RHBDF2: variants seen among roughly 807,000 people sequenced by gnomAD.
The protein encoded by RHBDF2 is inactive rhomboid protein 2.
RHBDF2 carries 38 observed loss-of-function variants against 95.2 expected under a neutral mutation model. The observed-to-expected ratio is 0.40, with a 90% CI of 0.31 to 0.52. The LOEUF (loss-of-function observed/expected upper bound fraction) is 0.52. Ranked by LOEUF, RHBDF2 falls within the 20% of genes least tolerant of loss-of-function variation. RHBDF2 has a pLI of 0.56. For synonymous variants in RHBDF2, 442 were observed against 462.0 expected (o/e 0.96, Z 0.55); for missense variants, 863 against 1,137.7 (o/e 0.76, Z 3.47).
chr17:76,498,416 G>A (rs1047216169), intron 1 of RHBDF2, among the ~76,000 whole-genome samples: 1 of 152,258 alleles, frequency 6.6e-6, no homozygotes, highest in Non-Finnish European at 1.5e-5. Context: ...TCTGAGGAGA[G>A]TGTGGAGGGG....
At chr17:76,491,473 CAG>C (rs1233787950) in intron 1 of RHBDF2, among the ~76,000 whole-genome samples, 1 of 152,002 alleles carries the variant, frequency 6.6e-6, no homozygotes, top group Non-Finnish European at 1.5e-5. Flanking sequence ...CACCAGACAG[CAG>C]AGACAGGGCC....
Position 76,476,714 on chromosome 17 carries a change from A to T in RHBDF2, c.1115+116T>A. 3 of 1,420,104 alleles carry T rather than the reference A, an allele frequency of 2.1e-6. No homozygotes were observed. The South Asian group carries it at 4.3e-5, about 20-fold the overall frequency. The allele number at this position is 1,420,104 out of a possible 1,614,324, so 88.0% of individuals were successfully genotyped here. A position where few individuals can be genotyped will look rare whatever the true frequency, so the allele number is the denominator to read the frequency against. On this transcript the variant is annotated intron_variant, in intron 9 of 18. Coordinates refer to ENST00000675367, the MANE Select transcript of RHBDF2 (RefSeq NM_001005498.4). ...CTTCGAGCTTGTCACTACACTCCTG[A>T]TCCGCAGAAGATGCTCATGAAACAC...
chr17:76,492,050 C>T (rs565869719), intron 1 of RHBDF2, among the ~76,000 whole-genome samples: 1 of 152,296 alleles, frequency 6.6e-6, no homozygotes, highest in Non-Finnish European at 1.5e-5. Context: ...CGGAACACTG[C>T]CACCTGCCCA....
At chr17:76,493,193 C>G (rs1183276868) in intron 1 of RHBDF2, 1 of 152,102 alleles carries the variant, frequency 6.6e-6, no homozygotes, top group African/African-American at 2.4e-5. Context: ...CTCCCCAGCT[C>G]CCTTGCCACA....
chr17:76,490,342 T>C (rs1242582830), intron 1 of RHBDF2, among the ~76,000 whole-genome samples: 5 of 152,092 alleles, frequency 3.3e-5, no homozygotes, highest in Non-Finnish European at 1.5e-5. Context: ...ATCAACCCAC[T>C]GGGCTGGGTT....
At chr17:76,490,246 G>A (rs1359007587) in intron 1 of RHBDF2, among the ~76,000 whole-genome samples, 4 of 152,272 alleles carry the variant, frequency 2.6e-5, no homozygotes, top group African/African-American at 2.4e-5. Context: ...CGCTGGCTTC[G>A]CCTCCTTCCA....
chr17:76,479,641 G>T (rs956191203), intron 4 of RHBDF2, 92 bp downstream of exon 4: 6 of 952,216 alleles, frequency 6.3e-6, no homozygotes, highest in Admixed American at 2.1e-5. Flanking sequence ...TCCAGAGAGG[G>T]GACGCAGGGA....
chr17:76,484,844 G>C (rs755475942), intron 2 of RHBDF2, among the ~76,000 whole-genome samples: 3 of 152,174 alleles, frequency 2.0e-5, no homozygotes, highest in Admixed American at 2.0e-4. Flanking sequence ...CAATGGAGCC[G>C]GCAGCGCATA....
intron 10 of RHBDF2, 70 bp from the exon 11 acceptor site, chr17:76,474,874 C>T (rs1598655511): frequency 1.3e-6 from 2 of 1,577,816 alleles, no homozygotes; most frequent in Non-Finnish European, 8.7e-7. Flanking sequence ...GCTGGGGCAG[C>T]TGTCCCCAGG....
intron 12 of RHBDF2, 113 bp from the exon 13 acceptor site, chr17:76,474,255 G>T (rs565452045): frequency 1.5e-6 from 2 of 1,361,544 alleles, no homozygotes; most frequent in Non-Finnish European, 2.0e-6. Flanking sequence ...ATCTATGGGG[G>T]TCTGGGAAAG....
intron 1 of RHBDF2, among the ~76,000 whole-genome samples, chr17:76,490,096 G>T (rs996986299): frequency 6.6e-6 from 1 of 152,196 alleles, no homozygotes; most frequent in South Asian, 2.1e-4. Flanking sequence ...AGTAGCCCAC[G>T]CTCCCCATTG....
At chr17:76,499,932 C>A (rs1301415604) in intron 1 of RHBDF2, among the ~76,000 whole-genome samples, 1 of 152,096 alleles carries the variant, frequency 6.6e-6, no homozygotes, top group Non-Finnish European at 1.5e-5. Flanking sequence ...CCCCACAGCA[C>A]CTAGACCAGC....
At position 76,473,101 on chromosome 17, in the gene RHBDF2, T is replaced by A. The variant is rs774996431; in HGVS notation, c.1814A>T (p.His605Leu). The change falls in exon 17 of 19, where the codon CAC (histidine) becomes CTC (leucine). Residue 605 changes from histidine (H) to leucine (L), a missense_variant. His to Leu is a moderately conservative substitution (Grantham distance 99, BLOSUM62 -3). Transcript: ENST00000675367. Reference sequence around the variant, plus strand: ...CAGCCCACACACCTTGTCCAAGCAGTGCACCTGGGAGTGGGCATATGGTGC... The same window carrying A: ...CAGCCCACACACCTTGTCCAAGCAGAGCACCTGGGAGTGGGCATATGGTGC... The part of the protein sequence containing the change: ...HEEATLCSQV[H>L]CLDKVCGLLP... 6.2e-7 allele frequency: 1 copy of A among 1,613,662 alleles called. No individual in the cohort carries two copies. The highest frequency in any genetic ancestry group is 1.1e-5 in the South Asian group (1 of 91,066).
At chr17:76,481,326 C>A in intron 3 of RHBDF2, 49 bp downstream of exon 3, 1 of 1,568,804 alleles carries the variant, frequency 6.4e-7, no homozygotes, top group Middle Eastern at 1.8e-4. Flanking sequence ...CACGTGGGTA[C>A]ATCTGTTACC....
At chr17:76,499,875 G>A (rs908399677) in intron 1 of RHBDF2, among the ~76,000 whole-genome samples, 4 of 150,290 alleles carry the variant, frequency 2.7e-5, no homozygotes, top group African/African-American at 7.3e-5. Context: ...CTGGGGTTAA[G>A]CACCCCAGGC....
Position 76,478,890 on chromosome 17 carries a change from G to A in RHBDF2, c.588C>T (p.Val196=). 6.2e-7 allele frequency: 1 copy of A among 1,612,656 alleles called. No homozygotes were observed. Among genetic ancestry groups the A allele is most frequent in the Non-Finnish European group, 8.5e-7 (1 of 1,179,302 alleles). ...GVLSLTSFTS[V]RSGYSHLPRR... is the part of the protein sequence containing the mutation. ...GTGGCAGGTGGGAGTAGCCAGAACG[G>A]ACACTGGTGAAGGAGGTGAGGGACA... Residue 196 remains valine, a synonymous_variant, in exon 6 of 19, where the codon GTC becomes GTT. Coordinates refer to ENST00000675367, the MANE Select transcript of RHBDF2 (RefSeq NM_001005498.4).
At position 76,478,965 on chromosome 17, in the gene RHBDF2, C is replaced by G; in HGVS notation, c.513G>C (p.Glu171Asp). The change falls in exon 6 of 19, where the codon GAG becomes GAC. Residue 171 changes from glutamate (E) to aspartate (D), a missense_variant. Physicochemically the swap from Glu to Asp is conservative, Grantham distance 45. Around this residue, in one of 2 missense-constraint regions of RHBDF2, gnomAD observed 611 missense variants for 725.5 expected, o/e 0.84. Transcript: ENST00000675367. Reference protein sequence around the residue: ...LARGRAFRHPEEMDRPHAPHP... With the variant: ...LARGRAFRHPDEMDRPHAPHP... ...GCGGGGCGTGGGGCCTGTCCATCTC[C>G]TCCGGGTGGCGGAAGGCCCGGCCCC... The G allele has an allele frequency of 6.3e-7, 1 of 1,594,166 alleles. No homozygotes were observed. Among genetic ancestry groups the G allele is most frequent in the Non-Finnish European group, 8.6e-7 (1 of 1,168,312 alleles).
chr17:76,477,593 G>A (rs2144124484), intron 7 of RHBDF2, 64 bp downstream of exon 7: 1 of 1,554,482 alleles, frequency 6.4e-7, no homozygotes, highest in Non-Finnish European at 8.8e-7. Context: ...TCAATGCCAA[G>A]GTCACCTCAC....
At chr17:76,491,606 C>T (rs1187545630) in intron 1 of RHBDF2, among the ~76,000 whole-genome samples, 1 of 152,234 alleles carries the variant, frequency 6.6e-6, no homozygotes, top group African/African-American at 2.4e-5. Flanking sequence ...CCTCAGTTCC[C>T]TTCTCTGAGG....
Sources: gnomAD v4.1 joint callset for allele counts (sites outside exome capture counted in the v4.1 genomes callset) on GRCh38, gnomAD v4.1.1 for gene constraint, gnomAD v4.1.1 regional missense constraint, MANE v1.5 for transcripts, NCBI Gene and HGNC (gene_info 2026-07-23, HGNC 2026-07-21) for gene names.